The following ZFHX3 variants were observed in gnomAD, a reference collection of about 807,000 sequenced individuals.
ZFHX3 encodes the protein zinc finger homeobox 3.
A neutral mutation model predicts 279.1 loss-of-function variants in ZFHX3; 42 were observed. The ratio of observed to expected loss-of-function variants is 0.15; its 90% CI spans 0.12 to 0.19. The LOEUF (loss-of-function observed/expected upper bound fraction) is 0.19. Among genes scored for constraint, ZFHX3 ranks in the 10% least tolerant of loss-of-function variants. The pLI is 1.00. For missense variants in ZFHX3, 4,981 were observed against 4,754.0 expected (o/e 1.05, Z -1.40); for synonymous variants, 2,293 against 1,957.8 (o/e 1.17, Z -4.52).
chr16:73,802,291 G>A (rs1046306876), intron 1 of ZFHX3, among the ~76,000 whole-genome samples: 12 of 152,180 alleles, frequency 7.9e-5, no homozygotes. Flanking sequence ...ACAAAGCGAA[G>A]GCCATCAAAA....
At chr16:73,508,803 C>G (rs186372825) in intron 2 of ZFHX3, among the ~76,000 whole-genome samples, 3 of 152,296 alleles carry the variant, frequency 2.0e-5, no homozygotes, top group African/African-American at 7.2e-5. Flanking sequence ...AAAATAGAAG[C>G]AGTGTGTCCT....
At chr16:73,565,130 T>A (rs1367650359) in intron 2 of ZFHX3, among the ~76,000 whole-genome samples, 3 of 152,098 alleles carry the variant, frequency 2.0e-5, no homozygotes, top group African/African-American at 7.2e-5. Flanking sequence ...GGCACATACC[T>A]GTAGTCCCAG....
chr16:72,806,260 G>T (rs944938483), intron 7 of ZFHX3, among the ~76,000 whole-genome samples: 2 of 152,210 alleles, frequency 1.3e-5, no homozygotes, highest in African/African-American at 4.8e-5. Context: ...ATTCATGTAG[G>T]CTGGAAACAA....
chr16:73,547,182 T>C (rs986220625), intron 2 of ZFHX3, among the ~76,000 whole-genome samples: 1 of 152,110 alleles, frequency 6.6e-6, no homozygotes, highest in African/African-American at 2.4e-5. Flanking sequence ...CTAGGGTACA[T>C]GCCCCATTTC....
chr16:73,022,008 T>C (rs1412614184), intron 1 of ZFHX3, among the ~76,000 whole-genome samples: 1 of 152,060 alleles, frequency 6.6e-6, no homozygotes, highest in African/African-American at 2.4e-5. Flanking sequence ...AAGCCTTTCT[T>C]CACTGTGTCC....
chr16:73,874,854 T>C (rs1354176053), intron 1 of ZFHX3, among the ~76,000 whole-genome samples: 1 of 152,214 alleles, frequency 6.6e-6, no homozygotes, highest in Non-Finnish European at 1.5e-5. Context: ...AAAACATCCC[T>C]GGGCACACAA....
intron 4 of ZFHX3, among the ~76,000 whole-genome samples, chr16:73,262,867 T>G (rs924169384): frequency 6.6e-6 from 1 of 152,078 alleles, no homozygotes. Context: ...AGAGACTACA[T>G]GGAGCAGAGA....
chr16:73,611,969 T>C (rs764650473), intron 2 of ZFHX3, among the ~76,000 whole-genome samples: 5 of 152,182 alleles, frequency 3.3e-5, no homozygotes, highest in Non-Finnish European at 7.3e-5. Flanking sequence ...TGGGCTATAT[T>C]ACACACTGTA....
intron 2 of ZFHX3, among the ~76,000 whole-genome samples, chr16:73,648,042 T>C (rs1221146980): frequency 6.6e-6 from 1 of 152,226 alleles, no homozygotes; most frequent in Non-Finnish European, 1.5e-5. Context: ...GCACTGTTGA[T>C]GAGAATGTAA....
chr16:72,914,247 T>G (rs1361158811), intron 3 of ZFHX3, among the ~76,000 whole-genome samples: 1 of 152,198 alleles, frequency 6.6e-6, no homozygotes, highest in Non-Finnish European at 1.5e-5. Context: ...CAAGATGGTC[T>G]GGAGGGTTTT....
intron 4 of ZFHX3, among the ~76,000 whole-genome samples, chr16:72,876,745 TC>T (rs1460094053): frequency 6.6e-6 from 1 of 152,066 alleles, no homozygotes; most frequent in South Asian, 2.1e-4. Context: ...TCAATTTTTT[TC>T]CCCCCTAAAG....
intron 3 of ZFHX3, among the ~76,000 whole-genome samples, chr16:72,939,355 G>GA (rs1960296939): frequency 1.3e-5 from 2 of 152,160 alleles, no homozygotes; most frequent in Admixed American, 1.3e-4. Flanking sequence ...TCTGGAACAT[G>GA]AAACATTCAA....
At chr16:73,143,866 G>A in intron 5 of ZFHX3, 3 of 1,105,898 alleles carry the variant, frequency 2.7e-6, no homozygotes, top group Non-Finnish European at 3.7e-6. Context: ...AACACGGTTG[G>A]GGAGATGTTT....
intron 1 of ZFHX3, among the ~76,000 whole-genome samples, chr16:73,882,038 A>T (rs2030184305): frequency 6.6e-6 from 1 of 152,150 alleles, no homozygotes; most frequent in Non-Finnish European, 1.5e-5. Flanking sequence ...AATGTTTTCA[A>T]AGCACTTTGA....
chr16:73,763,374 A>G (rs749384068), intron 1 of ZFHX3, among the ~76,000 whole-genome samples: 1 of 152,188 alleles, frequency 6.6e-6, no homozygotes, highest in Admixed American at 6.5e-5. Flanking sequence ...ATTCTAATTA[A>G]TGTCTTCCCA....
intron 1 of ZFHX3, among the ~76,000 whole-genome samples, chr16:73,804,885 C>CA (rs1567416062): frequency 6.2e-5 from 8 of 129,816 alleles, no homozygotes; most frequent in African/African-American, 2.4e-4. Flanking sequence ...ACACACACAC[C>CA]CACACCAAAG....
At chr16:73,211,580 G>A (rs2012019029) in intron 5 of ZFHX3, among the ~76,000 whole-genome samples, 1 of 152,092 alleles carries the variant, frequency 6.6e-6, no homozygotes, top group African/African-American at 2.4e-5. Flanking sequence ...CTGCTAGATG[G>A]AGAAAACCCC....
At chr16:72,901,930 T>A (rs977954805) in intron 3 of ZFHX3, among the ~76,000 whole-genome samples, 1 of 152,150 alleles carries the variant, frequency 6.6e-6, no homozygotes, top group African/African-American at 2.4e-5. Context: ...CCTTTTTAAG[T>A]CTCATTAAAA....
At chr16:73,088,780 C>T (rs1292043384) in intron 8 of ZFHX3, among the ~76,000 whole-genome samples, 1 of 152,166 alleles carries the variant, frequency 6.6e-6, no homozygotes, top group East Asian at 1.9e-4. Flanking sequence ...AGACCACTGA[C>T]AGGAGCTCAT....
Sources: gnomAD v4.1 joint callset for allele counts (sites outside exome capture counted in the v4.1 genomes callset) on GRCh38, gnomAD v4.1.1 for gene constraint, MANE v1.5 for transcripts, NCBI Gene and HGNC (gene_info 2026-07-23, HGNC 2026-07-21) for gene names.